MSL1: variants seen among roughly 807,000 people sequenced by gnomAD.
The protein encoded by MSL1 is MSL complex subunit 1.
In MSL1, 21 loss-of-function variants were observed where a neutral mutation model predicts 64.6. That is an observed-to-expected ratio of 0.33 (90% confidence interval 0.23 to 0.47). MSL1 has a LOEUF of 0.47. Among genes scored for constraint, MSL1 ranks in the 20% least tolerant of loss-of-function variants. MSL1 has a pLI of 1.00. For missense variants in MSL1, 664 were observed against 793.2 expected, an observed-to-expected ratio of 0.84 and a Z score of 1.96; for synonymous variants, 339 against 329.6, an observed-to-expected ratio of 1.03 and a Z score of -0.31.
chr17:40,123,367 C>T lies in MSL1; in HGVS notation c.755C>T (p.Ser252Leu). 1 of 1,536,302 alleles carries T rather than the reference C, an allele frequency of 6.5e-7. No individual in the cohort carries two copies. ...AKEKEIEELK[S>L]ERDTLLARIE... The stretch of plus-strand genomic sequence containing the variant: ...GAAAAGGAGATCGAGGAGCTGAAGT[C>T]AGAGAGAGACACGGTACGGGAGGGG... Residue 252 changes from serine (S) to leucine (L), a missense_variant, in exon 1 of 9, where the codon TCA becomes TTA. Transcript: ENST00000398532.
intron 2 of MSL1, among the ~76,000 whole-genome samples, chr17:40,127,383 C>CA (rs1988344524): frequency 6.7e-6 from 1 of 150,136 alleles, no homozygotes; most frequent in Admixed American, 6.6e-5. Flanking sequence ...TCCTTGGACT[C>CA]AAAGAAATTA....
rs1040037729 is a variant in MSL1 at position 40,122,828 on chromosome 17, C to A, written c.216C>A (p.Ala72=). The A allele has an allele frequency of 3.6e-4, 488 of 1,369,114 alleles. No individual in the cohort carries two copies. The highest frequency in any genetic ancestry group is 1.8e-3 in the Middle Eastern group (7 of 3,788). The allele number at this position is 1,369,114 out of a possible 1,614,324, so 84.8% of individuals were successfully genotyped here. Residue 72 remains alanine (A), a synonymous_variant, in exon 1 of 9, where the codon GCC becomes GCA. Transcript: ENST00000398532. This position sits in a 1 kb window ranked among gnomAD's most constrained non-coding sequence, Gnocchi z 4.2. ...SQGGSPAPSP[A]GCGGKGRGLL... is the part of the protein sequence containing the mutation. ...GCGGGAGCCCCGCGCCTTCCCCGGC[C>A]GGCTGCGGCGGCAAGGGCCGGGGCT...
At chr17:40,123,523 G>A (rs774806511) in intron 1 of MSL1, 143 bp downstream of exon 1, 20 of 728,680 alleles carry the variant, frequency 2.7e-5, no homozygotes, top group South Asian at 7.1e-5. Context: ...TAGGCGCTGG[G>A]TCTCTGGGAG....
Position 40,123,250 on chromosome 17 carries a change from C to T in MSL1, c.638C>T (p.Ser213Leu), listed in dbSNP as rs1276745079. Reference protein sequence around the residue: ...RKSPLGGGGGSGASSQAACLK... With the variant: ...RKSPLGGGGGLGASSQAACLK... ...AGCCCTCTCGGGGGTGGTGGCGGCT[C>T]GGGAGCCTCCAGTCAGGCCGCCTGC... Residue 213 changes from serine (S) to leucine (L), a missense_variant, in exon 1 of 9, where the codon TCG becomes TTG. By Grantham distance (145) the Ser-to-Leu change is moderately radical. Transcript: ENST00000398532. 2.6e-6 allele frequency: 4 copies of T among 1,535,560 alleles called. No individual in the cohort carries two copies. Among genetic ancestry groups the T allele is most frequent in the Non-Finnish European group, 3.5e-6 (4 of 1,146,860 alleles).
rs753519943 is a variant in MSL1, at chr17:40,129,670, G to A, written c.1375+43G>A. ...CTTGCTCTTATACCCTAGTGGTGGC[G>A]GTCAAGCTAACAAGTGTGAAAATGC... On this transcript the variant is annotated intron_variant, in intron 3 of 8. Coordinates refer to ENST00000398532, the MANE Select transcript of MSL1 (RefSeq NM_001365919.1). The A allele has an allele frequency of 1.4e-5, 21 of 1,490,306 alleles. No individual in the cohort carries two copies. In the East Asian group the frequency reaches 1.9e-4, roughly 14 times the overall value. 92.3% of individuals were successfully genotyped at this position (1,490,306 alleles called of 1,614,324 possible).
Position 40,131,465 on chromosome 17 carries a change from C to T in MSL1, c.1376-72C>T. The T allele has an allele frequency of 7.2e-7, 1 of 1,392,138 alleles. No individual in the cohort carries two copies. The highest frequency in any genetic ancestry group is 1.0e-6 in the Non-Finnish European group (1 of 982,100). 86.2% of individuals were successfully genotyped at this position (1,392,138 alleles called of 1,614,324 possible). Reference sequence around the variant, plus strand: ...CCTAGTGAGAACTTCAGTGATGATCCTTTCCTCCATTTGGGGTATGGGCTT... The same window carrying T: ...CCTAGTGAGAACTTCAGTGATGATCTTTTCCTCCATTTGGGGTATGGGCTT... On this transcript the variant is annotated intron_variant, in intron 3 of 8. Coordinates refer to ENST00000398532, the MANE Select transcript of MSL1 (RefSeq NM_001365919.1). The surrounding 1 kb of genome is among the most constrained non-coding windows in gnomAD (Gnocchi z 4.5).
chr17:40,124,113 G>A (rs1377914381), intron 1 of MSL1, among the ~76,000 whole-genome samples: 1 of 152,080 alleles, frequency 6.6e-6, no homozygotes, highest in African/African-American at 2.4e-5. Context: ...TAGGAAAGTC[G>A]TTTATTATTT....
At chr17:40,123,757 G>A (rs967420358) in intron 1 of MSL1, among the ~76,000 whole-genome samples, 1 of 152,208 alleles carries the variant, frequency 6.6e-6, no homozygotes, top group African/African-American at 2.4e-5. Context: ...GAGCTATTGC[G>A]TTAGAAATGC....
At chr17:40,123,589 G>A (rs1313701123) in intron 1 of MSL1, among the ~76,000 whole-genome samples, 1 of 152,110 alleles carries the variant, frequency 6.6e-6, no homozygotes, top group Non-Finnish European at 1.5e-5. Flanking sequence ...ACCTCTCAGG[G>A]GGAGGGGGAG....
intron 2 of MSL1, among the ~76,000 whole-genome samples, chr17:40,127,178 G>A (rs1988337156): frequency 6.6e-6 from 1 of 151,818 alleles, no homozygotes; most frequent in African/African-American, 2.4e-5. Flanking sequence ...ACCAGCCTGG[G>A]CAACATAGTG....
rs1333403659 is a variant in MSL1 at position 40,134,736 on chromosome 17, A to G, written c.*367A>G. 9.5e-6 allele frequency: 2 copies of G among 210,572 alleles called. No homozygotes were observed. The highest frequency in any genetic ancestry group is 1.9e-5 in the Non-Finnish European group (2 of 103,718). 13.0% of individuals were successfully genotyped at this position (210,572 alleles called of 1,614,324 possible). A position where few individuals can be genotyped will look rare whatever the true frequency, so the allele number is the denominator to read the frequency against. ...AAGATGAAGCAGCCCCTTCCTTTAGAGCTGTGCCTGCATGGCACTCTTCTC... is the reference window on the plus strand; with the variant it reads ...AAGATGAAGCAGCCCCTTCCTTTAGGGCTGTGCCTGCATGGCACTCTTCTC... On this transcript the variant is annotated 3_prime_UTR_variant, in exon 9 of 9. Transcript: ENST00000398532.
rs1278802870 is a variant in MSL1 at position 40,122,792 on chromosome 17, C to T, written c.180C>T (p.Ala60=). 17 of 1,375,480 alleles carry T rather than the reference C, an allele frequency of 1.2e-5. No individual in the cohort carries two copies. Among genetic ancestry groups the T allele is most frequent in the Non-Finnish European group, 1.6e-5 (17 of 1,073,700 alleles). 85.2% of individuals were successfully genotyped at this position (1,375,480 alleles called of 1,614,324 possible). A position where few individuals can be genotyped will look rare whatever the true frequency, so the allele number is the denominator to read the frequency against. Residue 60 remains alanine (A), a synonymous_variant, in exon 1 of 9, where the codon GCC becomes GCT. Coordinates refer to ENST00000398532, the MANE Select transcript of MSL1 (RefSeq NM_001365919.1). This position sits in a 1 kb window ranked among gnomAD's most constrained non-coding sequence, Gnocchi z 4.2. ...TCAAGGAGCCGGGGCCCCCGCTGGCCTCCTCCCAGGGCGGGAGCCCCGCGC... is the reference window on the plus strand; with the variant it reads ...TCAAGGAGCCGGGGCCCCCGCTGGCTTCCTCCCAGGGCGGGAGCCCCGCGC... ...RKLKEPGPPL[A]SSQGGSPAPS...
chr17:40,122,526 T>G lies in MSL1; in HGVS notation c.-87T>G. The G allele has an allele frequency of 1.2e-5, 7 of 569,128 alleles. No homozygotes were observed. Among genetic ancestry groups the G allele is most frequent in the Non-Finnish European group, 1.6e-5 (6 of 383,430 alleles). The allele number at this position is 569,128 out of a possible 1,614,324, so 35.3% of individuals were successfully genotyped here. A position where few individuals can be genotyped will look rare whatever the true frequency, so the allele number is the denominator to read the frequency against. ...CTGAGGCGAGCCCGCCAAACTCCCC[T>G]CCCCCCCCTCAGTCCTCGACCCCCC... On this transcript the variant is annotated 5_prime_UTR_variant, in exon 1 of 9. Coordinates refer to ENST00000398532, the MANE Select transcript of MSL1 (RefSeq NM_001365919.1). This position sits in a 1 kb window ranked among gnomAD's most constrained non-coding sequence, Gnocchi z 4.2.
rs931622007 is a variant in MSL1, at chr17:40,123,017, G to C, written c.405G>C (p.Leu135=). The change falls in exon 1 of 9, where the codon CTG becomes CTC. Residue 135 remains leucine (L), a synonymous_variant. Transcript: ENST00000398532. Reference sequence around the variant, plus strand: ...CCCGGCCCAAGTATCAGGCGGTGCTGCCCATTCAGACGGGCTCTCTCGTGG... The same window carrying C: ...CCCGGCCCAAGTATCAGGCGGTGCTCCCCATTCAGACGGGCTCTCTCGTGG... ...CSPRPKYQAV[L]PIQTGSLVAA... is the part of the protein sequence containing the mutation. The C allele has an allele frequency of 6.5e-7, 1 of 1,532,388 alleles. No homozygotes were observed. Among genetic ancestry groups the C allele is most frequent in the Non-Finnish European group, 8.7e-7 (1 of 1,145,508 alleles). The allele number at this position is 1,532,388 out of a possible 1,614,324, so 94.9% of individuals were successfully genotyped here.
At position 40,133,659 on chromosome 17, in the gene MSL1, G is replaced by A; in HGVS notation, c.1681+1G>A. On this transcript the variant is annotated splice_donor_variant, in intron 7 of 8. Transcript: ENST00000398532. LOFTEE classifies it high-confidence loss of function. ...TCATTTTTCCCTGAGCCAGATGATG[G>A]TAAGTTGTGTCCATCTAAAAGAGTA... 1 of 1,613,544 alleles carries A rather than the reference G, an allele frequency of 6.2e-7. No individual in the cohort carries two copies.
In MSL1 at chr17:40,134,682, TAAAA is replaced by T. The variant is rs2145137867; in HGVS notation, c.*314_*317del. The T allele has an allele frequency of 3.2e-6, 1 of 310,776 alleles. No individual in the cohort carries two copies. The highest frequency in any genetic ancestry group is 7.2e-5 in the East Asian group (1 of 13,856). The allele number at this position is 310,776 out of a possible 1,614,324, so 19.3% of individuals were successfully genotyped here. On this transcript the variant is annotated 3_prime_UTR_variant, in exon 9 of 9. Coordinates refer to ENST00000398532, the MANE Select transcript of MSL1 (RefSeq NM_001365919.1). Reference sequence around the variant, plus strand: ...TATACATTTGCCTATGTTAAAGGGGTAAAAGGGCTCTCTTCATTAGACATGTGGA... The same window carrying T: ...TATACATTTGCCTATGTTAAAGGGGTGGGCTCTCTTCATTAGACATGTGGA...
Position 40,133,020 on chromosome 17 carries a change from T to C in MSL1, c.1489-22T>C, listed in dbSNP as rs777081081. On this transcript the variant is annotated intron_variant, in intron 5 of 8. Transcript: ENST00000398532. The stretch of plus-strand genomic sequence containing the variant: ...CTAATATATGGTGATAAATAGCTTA[T>C]CAGCTGCTTTTCTTTACACAGAACC... 12 of 1,601,784 alleles carry C rather than the reference T, an allele frequency of 7.5e-6. No homozygotes were observed. In the Middle Eastern group the frequency reaches 6.6e-4, roughly 88 times the overall value.
In MSL1 at chr17:40,122,946, G is replaced by A; in HGVS notation, c.334G>A (p.Ala112Thr). 4 of 1,523,460 alleles carry A rather than the reference G, an allele frequency of 2.6e-6. No homozygotes were observed. The highest frequency in any genetic ancestry group is 3.5e-6 in the Non-Finnish European group (4 of 1,142,298). The allele number at this position is 1,523,460 out of a possible 1,614,324, so 94.4% of individuals were successfully genotyped here. ...LPCPPPATKQAGIGGEPAAAG... is the reference protein window; with the variant it reads ...LPCPPPATKQTGIGGEPAAAG... ...CTGTCCGCCCCCGGCCACCAAGCAA[G>A]CCGGCATTGGGGGGGAGCCTGCCGC... The change falls in exon 1 of 9, where the codon GCC (alanine) becomes ACC (threonine). Residue 112 changes from alanine to threonine, a missense_variant. By Grantham distance (58) the Ala-to-Thr change is moderately conservative. Transcript: ENST00000398532. This position sits in a 1 kb window ranked among gnomAD's most constrained non-coding sequence, Gnocchi z 4.2.
Position 40,133,579 on chromosome 17 carries a change from G to C in MSL1, c.1602G>C (p.Leu534=). The change falls in exon 7 of 9, where the codon CTG becomes CTC. Residue 534 remains leucine (L), a synonymous_variant. Coordinates refer to ENST00000398532, the MANE Select transcript of MSL1 (RefSeq NM_001365919.1). ...RIREQRILQR[L]QLRMYKKKGI... The stretch of plus-strand genomic sequence containing the variant: ...GGGAACAAAGAATTTTACAGCGACT[G>C]CAGCTCAGAATGTATAAAAAGAAAG... 1 of 1,612,710 alleles carries C rather than the reference G, an allele frequency of 6.2e-7. No homozygotes were observed. The highest frequency in any genetic ancestry group is 8.5e-7 in the Non-Finnish European group (1 of 1,179,226).
Sources: gnomAD v4.1 joint callset for allele counts (sites outside exome capture counted in the v4.1 genomes callset) on GRCh38, gnomAD v4.1.1 for gene constraint, Gnocchi (gnomAD v3.1) non-coding constraint, MANE v1.5 for transcripts, NCBI Gene and HGNC (gene_info 2026-07-23, HGNC 2026-07-21) for gene names.